The following MAGI2 variants were observed in gnomAD, a reference collection of about 807,000 sequenced individuals.
The protein encoded by MAGI2 is membrane associated guanylate kinase, WW and PDZ domain containing 2, also known as membrane-associated guanylate kinase, WW and PDZ domain-containing protein 2.
A neutral mutation model predicts 133.3 loss-of-function variants in MAGI2; 35 were observed. That is an observed-to-expected ratio of 0.26 (90% confidence interval 0.20 to 0.35). The LOEUF (loss-of-function observed/expected upper bound fraction) is 0.35, where lower values mean the gene tolerates loss of function less well. Among genes scored for constraint, MAGI2 ranks in the 10% least tolerant of loss-of-function variants. The probability of loss-of-function intolerance (pLI) is 1.00; values close to 1 mark genes in which losing one functional copy is unlikely to be tolerated. For synonymous variants in MAGI2, 729 were observed against 710.6 expected (o/e 1.03, Z -0.41); for missense variants, 1,636 against 1,863.4 (o/e 0.88, Z 2.25).
chr7:78,360,666 T>G (rs762940109), intron 7 of MAGI2, among the ~76,000 whole-genome samples: 1 of 152,200 alleles, frequency 6.6e-6, no homozygotes, highest in African/African-American at 2.4e-5. Context: ...CTAGCAGTGT[T>G]TTCTGGGTTG....
chr7:79,098,909 T>C (rs965403361), intron 1 of MAGI2, among the ~76,000 whole-genome samples: 20 of 151,972 alleles, frequency 1.3e-4, no homozygotes, highest in Non-Finnish European at 2.5e-4. Context: ...ATGCGCAAAG[T>C]TGCTGGCTTC....
At chr7:78,902,820 C>A (rs968314862) in intron 2 of MAGI2, among the ~76,000 whole-genome samples, 2 of 152,108 alleles carry the variant, frequency 1.3e-5, no homozygotes, top group African/African-American at 2.4e-5. Flanking sequence ...CCAGCAGAAA[C>A]AAACCCTAGG....
chr7:79,228,399 A>G (rs193139755), intron 1 of MAGI2, among the ~76,000 whole-genome samples: 1 of 134,862 alleles, frequency 7.4e-6, no homozygotes, highest in East Asian at 2.2e-4. Context: ...TCTTGAAATA[A>G]GAAAAAGAGA....
chr7:78,208,309 C>T (rs1275589894), intron 10 of MAGI2, among the ~76,000 whole-genome samples: 1 of 152,094 alleles, frequency 6.6e-6, no homozygotes, highest in Admixed American at 6.5e-5. Flanking sequence ...GCCATCCAAC[C>T]ATTTCAAGTA....
chr7:78,722,809 A>C (rs1303547476), intron 2 of MAGI2, among the ~76,000 whole-genome samples: 1 of 152,114 alleles, frequency 6.6e-6, no homozygotes, highest in Non-Finnish European at 1.5e-5. Flanking sequence ...TTTTGTGAGA[A>C]TCCCTGGGGG....
At chr7:78,075,341 C>A (rs1048549973) in intron 21 of MAGI2, among the ~76,000 whole-genome samples, 10 of 152,108 alleles carry the variant, frequency 6.6e-5, no homozygotes, top group Non-Finnish European at 1.5e-4. Context: ...CCTTGTGAGC[C>A]CAATGTGTAT....
chr7:79,212,055 T>C (rs1829543653), intron 1 of MAGI2, among the ~76,000 whole-genome samples: 1 of 152,124 alleles, frequency 6.6e-6, no homozygotes, highest in African/African-American at 2.4e-5. Flanking sequence ...AAATAGTCAT[T>C]GTATTTTCTT....
intron 1 of MAGI2, among the ~76,000 whole-genome samples, chr7:79,372,845 C>A (rs1415878250): frequency 6.6e-6 from 1 of 152,044 alleles, no homozygotes; most frequent in Non-Finnish European, 1.5e-5. Context: ...AGCAGATTCA[C>A]TGAAGTCTCT....
At chr7:78,467,629 G>A (rs1345913177) in intron 6 of MAGI2, among the ~76,000 whole-genome samples, 1 of 151,626 alleles carries the variant, frequency 6.6e-6, no homozygotes, top group Non-Finnish European at 1.5e-5. Flanking sequence ...AATGCAATTT[G>A]GTGTGAGATA....
At chr7:78,186,455 A>C (rs1022217781) in intron 12 of MAGI2, among the ~76,000 whole-genome samples, 2 of 152,162 alleles carry the variant, frequency 1.3e-5, no homozygotes, top group Admixed American at 1.3e-4. Flanking sequence ...TACATGGTGG[A>C]GATGTGCAAC....
At chr7:78,076,231 C>A (rs35701152) in intron 21 of MAGI2, among the ~76,000 whole-genome samples, 1 of 150,572 alleles carries the variant, frequency 6.6e-6, no homozygotes, top group Non-Finnish European at 1.5e-5. Flanking sequence ...CTGAGATGGG[C>A]GGATTGTTCT....
At chr7:78,044,274 T>G (rs1811165449) in intron 21 of MAGI2, among the ~76,000 whole-genome samples, 1 of 152,220 alleles carries the variant, frequency 6.6e-6, no homozygotes, top group African/African-American at 2.4e-5. Flanking sequence ...CTTTAACTAA[T>G]AGAGGCATGT....
intron 20 of MAGI2, among the ~76,000 whole-genome samples, chr7:78,092,345 G>C (rs1403837424): frequency 6.6e-6 from 1 of 152,196 alleles, no homozygotes; most frequent in Non-Finnish European, 1.5e-5. Context: ...AATAGAAAGA[G>C]TAGCAGTGCA....
At chr7:78,577,355 A>G (rs1802372417) in intron 3 of MAGI2, among the ~76,000 whole-genome samples, 1 of 152,216 alleles carries the variant, frequency 6.6e-6, no homozygotes, top group African/African-American at 2.4e-5. Context: ...ATTGAATTAA[A>G]AGATTAATAT....
intron 1 of MAGI2, among the ~76,000 whole-genome samples, chr7:79,170,151 T>TC (rs1825379887): frequency 7.5e-6 from 1 of 133,544 alleles, no homozygotes; most frequent in East Asian, 2.2e-4. Flanking sequence ...TTTTTTTTTT[T>TC]TTTTTTTTTT....
chr7:78,833,152 T>C (rs1428135385), intron 2 of MAGI2, among the ~76,000 whole-genome samples: 1 of 152,210 alleles, frequency 6.6e-6, no homozygotes, highest in African/African-American at 2.4e-5. Context: ...TTACTAATCA[T>C]AGGTTATGGA....
At chr7:79,229,187 G>C (rs552470399) in intron 1 of MAGI2, among the ~76,000 whole-genome samples, 1 of 150,512 alleles carries the variant, frequency 6.6e-6, no homozygotes, top group African/African-American at 2.4e-5. Flanking sequence ...TTTATAGTTT[G>C]TATGGCTTAT....
chr7:78,220,724 C>G (rs1788726120), intron 10 of MAGI2, among the ~76,000 whole-genome samples: 1 of 152,062 alleles, frequency 6.6e-6, no homozygotes, highest in African/African-American at 2.4e-5. Context: ...AAACATTTGC[C>G]CAAACGCATC....
intron 1 of MAGI2, among the ~76,000 whole-genome samples, chr7:79,054,360 T>A (rs1812946419): frequency 6.6e-6 from 1 of 152,190 alleles, no homozygotes; most frequent in African/African-American, 2.4e-5. Flanking sequence ...TCCATAAGAT[T>A]CATAAAATTG....
Sources: allele counts gnomAD v4.1 joint callset (sites outside exome capture counted in the v4.1 genomes callset), GRCh38; gene constraint gnomAD v4.1.1; transcripts MANE v1.5; gene names NCBI Gene and HGNC (gene_info 2026-07-23, HGNC 2026-07-21).